The following POU2F1 variants were observed in gnomAD, a reference collection of about 807,000 sequenced individuals.
POU2F1 encodes POU domain, class 2, transcription factor 1.
POU2F1 carries 16 observed loss-of-function variants against 84.9 expected under a neutral mutation model. That is an observed-to-expected ratio of 0.19 (90% CI 0.13 to 0.29). The LOEUF is 0.29. POU2F1 is among the 10% of genes least tolerant of loss of function. The pLI is 1.00. For missense variants in POU2F1, 738 were observed against 942.6 expected (o/e 0.78, Z 2.84); for synonymous variants, 368 against 368.3 (o/e 1.00, Z 0.01).
chr1:167,292,107 G>A (rs1299975626), intron 1 of POU2F1, among the ~76,000 whole-genome samples: 1 of 152,072 alleles, frequency 6.6e-6, no homozygotes, highest in Non-Finnish European at 1.5e-5. Flanking sequence ...TGAGGCGGGG[G>A]AAGAGCTGTT....
At chr1:167,407,543 T>C (rs1321994737) in intron 13 of POU2F1, among the ~76,000 whole-genome samples, 1 of 152,204 alleles carries the variant, frequency 6.6e-6, no homozygotes, top group Non-Finnish European at 1.5e-5. Flanking sequence ...CTGGTATACA[T>C]ATAGATATAT....
intron 9 of POU2F1, among the ~76,000 whole-genome samples, chr1:167,392,402 G>T (rs1239245109): frequency 6.6e-6 from 1 of 151,730 alleles, no homozygotes. Flanking sequence ...GAACTAGATT[G>T]ATATGAGTAA....
chr1:167,276,920 A>G (rs1571214117), intron 1 of POU2F1, among the ~76,000 whole-genome samples: 1 of 152,168 alleles, frequency 6.6e-6, no homozygotes, highest in East Asian at 1.9e-4. Context: ...TGGGCAGAAA[A>G]AAAGAAAACA....
In POU2F1 at chr1:167,383,911, A is replaced by G. The variant is rs766338946; in HGVS notation, c.773A>G (p.Asn258Ser). 1.9e-6 allele frequency: 3 copies of G among 1,613,576 alleles called. No homozygotes were observed. The highest frequency in any genetic ancestry group is 2.5e-6 in the Non-Finnish European group (3 of 1,179,778). ...CAACTACCTCAGCAAAGCCAAGCCA[A>G]CCTCCTACAGTCGCAGCCAAGCATC... ...LTQLPQQSQA[N>S]LLQSQPSITL... is the part of the protein sequence containing the mutation. The change falls in exon 8 of 16, where the codon AAC (asparagine) becomes AGC (serine). Residue 258 changes from asparagine to serine, a missense_variant. Transcript: ENST00000367866.
intron 12 of POU2F1, among the ~76,000 whole-genome samples, chr1:167,400,434 C>A (rs1649129839): frequency 2.0e-5 from 3 of 152,278 alleles, no homozygotes; most frequent in South Asian, 4.1e-4. Context: ...CTCAGAAAAT[C>A]TTGTTACTTT....
At chr1:167,233,839 G>C (rs983679756) in intron 1 of POU2F1, among the ~76,000 whole-genome samples, 2 of 152,164 alleles carry the variant, frequency 1.3e-5, no homozygotes, top group Non-Finnish European at 2.9e-5. Flanking sequence ...AATTGTGGAC[G>C]AGATTCCATA....
chr1:167,281,722 A>G (rs1018806974), intron 1 of POU2F1, among the ~76,000 whole-genome samples: 1 of 152,256 alleles, frequency 6.6e-6, no homozygotes, highest in Non-Finnish European at 1.5e-5. Context: ...CACCATGTAC[A>G]GAAAAACCTT....
In POU2F1 at chr1:167,290,810, G is replaced by T. The variant is rs140818169; in HGVS notation, c.62-41660G>T. Among the ~76,000 whole-genome samples the T allele has an allele frequency of 5.3e-5, 8 of 152,304 alleles. No homozygotes were observed. The East Asian group carries it at 1.5e-3, about 29-fold the overall frequency. ...GTAATCCCAACACTGGGAAGTGAAG[G>T]GGGGAGGATCACTTGAGGCCAAGAG... On this transcript the variant is annotated intron_variant, in intron 1 of 15. Transcript: ENST00000367866.
chr1:167,377,914 G>A (rs1174138253), intron 7 of POU2F1, among the ~76,000 whole-genome samples: 6 of 152,070 alleles, frequency 3.9e-5, no homozygotes, highest in Non-Finnish European at 5.9e-5. Flanking sequence ...ATTCCGTTGT[G>A]TATATGCACC....
chr1:167,371,794 G>T lies in POU2F1; in HGVS notation c.283-123G>T, dbSNP rs1164327206. On this transcript the variant is annotated intron_variant, in intron 4 of 15. Coordinates refer to ENST00000367866, the MANE Select transcript of POU2F1 (RefSeq NM_002697.4). ...GGAAAATACAAATAAAAGAAAGGAG[G>T]TAAACCAGAACTCATGACTGAATAA... 9.0e-6 allele frequency: 12 copies of T among 1,338,120 alleles called. No individual in the cohort carries two copies. In the East Asian group the frequency reaches 1.9e-4, roughly 22 times the overall value. The allele number at this position is 1,338,120 out of a possible 1,614,324, so 82.9% of individuals were successfully genotyped here. A position where few individuals can be genotyped will look rare whatever the true frequency, so the allele number is the denominator to read the frequency against.
chr1:167,326,369 G>T (rs2101712512), intron 1 of POU2F1, among the ~76,000 whole-genome samples: 1 of 152,240 alleles, frequency 6.6e-6, no homozygotes, highest in South Asian at 2.1e-4. Context: ...AGATGACCAA[G>T]TGAAATGGAC....
chr1:167,326,630 C>T (rs1022228997), intron 1 of POU2F1, among the ~76,000 whole-genome samples: 2 of 152,050 alleles, frequency 1.3e-5, no homozygotes, highest in African/African-American at 4.8e-5. Flanking sequence ...GTGAGCTTTG[C>T]AGTAGAGGGG....
intron 1 of POU2F1, among the ~76,000 whole-genome samples, chr1:167,301,804 G>C (rs1447369560): frequency 6.6e-6 from 1 of 151,734 alleles, no homozygotes; most frequent in Admixed American, 6.6e-5. Flanking sequence ...TATTCCTTAC[G>C]GTGTTTTTTT....
intron 1 of POU2F1, among the ~76,000 whole-genome samples, chr1:167,306,632 T>G (rs1282144147): frequency 6.6e-6 from 1 of 152,054 alleles, no homozygotes. Flanking sequence ...CAACAGAAAT[T>G]TATTGTCTCT....
At chr1:167,233,136 T>A (rs1395111817) in intron 1 of POU2F1, among the ~76,000 whole-genome samples, 1 of 150,780 alleles carries the variant, frequency 6.6e-6, no homozygotes, top group Non-Finnish European at 1.5e-5. Flanking sequence ...TTTTATTTTT[T>A]AATTTTTTTT....
At chr1:167,283,798 G>A (rs956626074) in intron 1 of POU2F1, among the ~76,000 whole-genome samples, 5 of 152,146 alleles carry the variant, frequency 3.3e-5, no homozygotes, top group African/African-American at 1.2e-4. Context: ...GCGGTCTTCT[G>A]TGTTTTCCAT....
At chr1:167,402,496 T>C (rs953189248) in intron 13 of POU2F1, among the ~76,000 whole-genome samples, 2 of 152,218 alleles carry the variant, frequency 1.3e-5, no homozygotes, top group African/African-American at 4.8e-5. Flanking sequence ...TAATTTTTGC[T>C]TATGTTAAAC....
rs116755094 is a variant in POU2F1, at chr1:167,326,645, G to A, written c.62-5825G>A. Among the ~76,000 whole-genome samples, 830 of 152,204 alleles carry A rather than the reference G, an allele frequency of 5.5e-3. 8 individuals are homozygous for A. Among genetic ancestry groups the A allele is most frequent in the African/African-American group, 0.018 (740 of 41,538 alleles). ...GTGAGCTTTGCAGTAGAGGGGAAGCGGGGGGTCCCACTCTAGATAGTAGCC... is the reference window on the plus strand; with the variant it reads ...GTGAGCTTTGCAGTAGAGGGGAAGCAGGGGGTCCCACTCTAGATAGTAGCC... On this transcript the variant is annotated intron_variant, in intron 1 of 15. Transcript: ENST00000367866.
At chr1:167,337,258 C>T (rs143534970) in intron 2 of POU2F1, among the ~76,000 whole-genome samples, 143 of 149,614 alleles carry the variant, frequency 9.6e-4, no homozygotes, top group African/African-American at 3.5e-3. Context: ...CTTGGGCAGT[C>T]GAGGCTACAG....
Sources: gnomAD v4.1 joint callset for allele counts (sites outside exome capture counted in the v4.1 genomes callset) on GRCh38, gnomAD v4.1.1 for gene constraint, MANE v1.5 for transcripts, NCBI Gene and HGNC (gene_info 2026-07-23, HGNC 2026-07-21) for gene names.